GRB14: variants seen among roughly 807,000 people sequenced by gnomAD.
GRB14 encodes the protein growth factor receptor-bound protein 14.
GRB14 carries 38 observed loss-of-function variants against 69.1 expected under a neutral mutation model. That is an observed-to-expected ratio of 0.55 (90% CI 0.42 to 0.72). GRB14 has a LOEUF of 0.72. GRB14 is among the 30% of genes least tolerant of loss of function. GRB14 has a pLI of 0.00. For synonymous variants in GRB14, 247 were observed against 241.3 expected (o/e 1.02, Z -0.22); for missense variants, 666 against 666.1 (o/e 1.00, Z 0.00).
chr2:164,570,959 G>C (rs1338415826), intron 2 of GRB14, among the ~76,000 whole-genome samples: 3 of 152,152 alleles, frequency 2.0e-5, no homozygotes, highest in African/African-American at 7.2e-5. Context: ...ATTATGAAGA[G>C]CAAAATTTGG....
chr2:164,595,772 T>C (rs968504935), intron 2 of GRB14, among the ~76,000 whole-genome samples: 3 of 152,070 alleles, frequency 2.0e-5, no homozygotes, highest in Non-Finnish European at 1.5e-5. Context: ...GGCAGAACAG[T>C]TGGTGGCACT....
intron 3 of GRB14, among the ~76,000 whole-genome samples, chr2:164,527,739 G>C (rs1233477228): frequency 6.6e-6 from 1 of 151,838 alleles, no homozygotes; most frequent in Non-Finnish European, 1.5e-5. Flanking sequence ...CTAATACCAA[G>C]GAAAATATAT....
chr2:164,555,590 A>G (rs1014729816), intron 2 of GRB14, among the ~76,000 whole-genome samples: 26 of 151,526 alleles, frequency 1.7e-4, no homozygotes, highest in Non-Finnish European at 3.4e-4. Context: ...TAACTAAATT[A>G]CTATTAATTA....
At chr2:164,596,255 A>T (rs972419633) in intron 2 of GRB14, among the ~76,000 whole-genome samples, 1 of 152,246 alleles carries the variant, frequency 6.6e-6, no homozygotes, top group Non-Finnish European at 1.5e-5. Flanking sequence ...AAGTGACCAT[A>T]CAGTGATAGA....
At chr2:164,544,404 A>C (rs910472711) in intron 3 of GRB14, among the ~76,000 whole-genome samples, 1 of 151,768 alleles carries the variant, frequency 6.6e-6, no homozygotes, top group African/African-American at 2.4e-5. Flanking sequence ...TGACTATAAC[A>C]AAAAAAAATT....
rs147932707 is a variant in GRB14, at chr2:164,592,628, T to G, written c.324+27059A>C. 3.5e-3 allele frequency among the ~76,000 whole-genome samples: 533 copies of G among 152,316 alleles called. 8 individuals carry two copies. The highest frequency in any genetic ancestry group is 0.012 in the African/African-American group (492 of 41,570). On this transcript the variant is annotated intron_variant, in intron 2 of 13. Coordinates refer to ENST00000263915, the MANE Select transcript of GRB14 (RefSeq NM_004490.3). ...TCATATGGCCTTCCTCTTCATTGTC[T>G]GACATTCATGTGCATGGAAACCTAC...
chr2:164,498,836 C>T (rs937149892), intron 9 of GRB14, among the ~76,000 whole-genome samples: 6 of 152,184 alleles, frequency 3.9e-5, no homozygotes, highest in Non-Finnish European at 8.8e-5. Context: ...TCTCTTCAAA[C>T]TATGCTGTAG....
chr2:164,527,542 G>T (rs1687814095), intron 3 of GRB14, among the ~76,000 whole-genome samples: 1 of 151,696 alleles, frequency 6.6e-6, no homozygotes, highest in South Asian at 2.1e-4. Context: ...TTTATTTCAA[G>T]GTTGGACAAT....
intron 8 of GRB14, among the ~76,000 whole-genome samples, chr2:164,505,705 G>A (rs1687171576): frequency 6.6e-6 from 1 of 152,014 alleles, no homozygotes; most frequent in Non-Finnish European, 1.5e-5. Flanking sequence ...ATGTCCATAT[G>A]TATATACATC....
At chr2:164,586,944 G>A (rs1371379426) in intron 2 of GRB14, among the ~76,000 whole-genome samples, 4 of 152,112 alleles carry the variant, frequency 2.6e-5, no homozygotes, top group African/African-American at 9.7e-5. Flanking sequence ...GGAGAAAACA[G>A]AAGAAAGAAA....
rs764926149 is a variant in GRB14, at chr2:164,525,077, T to C, written c.605A>G (p.Tyr202Cys). Residue 202 changes from tyrosine to cysteine, a missense_variant and splice_region_variant, in exon 5 of 14, where the codon TAT (tyrosine) becomes TGT (cysteine). Coordinates refer to ENST00000263915, the MANE Select transcript of GRB14 (RefSeq NM_004490.3). ...AGATACCATATGCTCTGGAAAAAAA[T>C]ACTGTCAAAAAGACACAGTTAAATT... ...AKYEFFKNPM[Y>C]FFPEHMVSFA... 1 of 1,563,020 alleles carries C rather than the reference T, an allele frequency of 6.4e-7. No individual in the cohort carries two copies. Among genetic ancestry groups the C allele is most frequent in the East Asian group, 2.3e-5 (1 of 43,764 alleles).
chr2:164,502,346 A>C lies in GRB14; in HGVS notation c.1024-11T>G. The C allele has an allele frequency of 1.4e-6, 2 of 1,471,768 alleles. No individual in the cohort carries two copies. Among genetic ancestry groups the C allele is most frequent in the Non-Finnish European group, 1.9e-6 (2 of 1,053,310 alleles). The allele number at this position is 1,471,768 out of a possible 1,614,324, so 91.2% of individuals were successfully genotyped here. A position where few individuals can be genotyped will look rare whatever the true frequency, so the allele number is the denominator to read the frequency against. ...CAGCTGCATGCCATACTGCAGAATA[A>C]ATAAATAAAACACATTCCCACCACT... On this transcript the variant is annotated splice_polypyrimidine_tract_variant and intron_variant, in intron 8 of 13. Transcript: ENST00000263915.
At chr2:164,559,868 T>C (rs757357718) in intron 2 of GRB14, among the ~76,000 whole-genome samples, 23 of 152,216 alleles carry the variant, frequency 1.5e-4, no homozygotes, top group Admixed American at 5.2e-4. Context: ...TCCATACTGT[T>C]TTCCATAGTG....
intron 2 of GRB14, among the ~76,000 whole-genome samples, chr2:164,577,785 A>G (rs972034594): frequency 1.2e-4 from 18 of 152,354 alleles, no homozygotes; most frequent in African/African-American, 4.1e-4. Flanking sequence ...TCAATAAAGA[A>G]TAAGACTTTC....
At chr2:164,500,752 C>A (rs1687028256) in intron 9 of GRB14, among the ~76,000 whole-genome samples, 1 of 152,104 alleles carries the variant, frequency 6.6e-6, no homozygotes. Flanking sequence ...CAAACTCACT[C>A]AAGGAGTATC....
chr2:164,522,097 T>C lies in GRB14; in HGVS notation c.699A>G (p.Thr233=). ...QILQMFLSSS[T]YPEIHGFLHA... ...GTAAGAAACCATGAATTTCAGGATA[T>C]GTGCTTGAACTCAGAAACATCTGAA... is the stretch of plus-strand genomic sequence containing the variant. The change falls in exon 6 of 14, where the codon ACA becomes ACG. Residue 233 remains threonine (T), a synonymous_variant. Coordinates refer to ENST00000263915, the MANE Select transcript of GRB14 (RefSeq NM_004490.3). The C allele has an allele frequency of 1.3e-6, 2 of 1,595,152 alleles. No homozygotes were observed. Among genetic ancestry groups the C allele is most frequent in the Non-Finnish European group, 1.7e-6 (2 of 1,168,824 alleles).
intron 2 of GRB14, among the ~76,000 whole-genome samples, chr2:164,586,371 T>C (rs909317469): frequency 2.0e-5 from 3 of 152,210 alleles, no homozygotes; most frequent in African/African-American, 7.2e-5. Flanking sequence ...CCAGTTAAGA[T>C]TTTTAACAAA....
At chr2:164,560,970 C>CT (rs1296150027) in intron 2 of GRB14, among the ~76,000 whole-genome samples, 2 of 151,564 alleles carry the variant, frequency 1.3e-5, no homozygotes, top group Non-Finnish European at 3.0e-5. Flanking sequence ...AGTCTTGCTT[C>CT]TTTTTTTTCC....
intron 2 of GRB14, among the ~76,000 whole-genome samples, chr2:164,580,477 G>T (rs1008175015): frequency 6.6e-6 from 1 of 151,398 alleles, no homozygotes; most frequent in Non-Finnish European, 1.5e-5. Flanking sequence ...GGCCAAGGTG[G>T]GTGTATAACT....
Sources: allele counts gnomAD v4.1 joint callset (sites outside exome capture counted in the v4.1 genomes callset), GRCh38; gene constraint gnomAD v4.1.1; transcripts MANE v1.5; gene names NCBI Gene and HGNC (gene_info 2026-07-23, HGNC 2026-07-21).